The following DDAH1 variants were observed in gnomAD, a reference collection of about 807,000 sequenced individuals.
The protein encoded by DDAH1 is N(G),N(G)-dimethylarginine dimethylaminohydrolase 1.
In DDAH1, 19 loss-of-function variants were observed where a neutral mutation model predicts 28.8. That is an observed-to-expected ratio of 0.66 (90% CI 0.46 to 0.97). The LOEUF (loss-of-function observed/expected upper bound fraction) is 0.97, where lower values mean the gene tolerates loss of function less well. Among genes scored for constraint, DDAH1 ranks in the 50% least tolerant of loss-of-function variants. DDAH1 has a pLI of 0.00. For synonymous variants in DDAH1, 153 were observed against 154.4 expected (o/e 0.99, Z 0.07); for missense variants, 326 against 375.9 (o/e 0.87, Z 1.10).
chr1:85,410,661 G>T (rs183170867), intron 1 of DDAH1, among the ~76,000 whole-genome samples: 1 of 147,726 alleles, frequency 6.8e-6, no homozygotes, highest in African/African-American at 2.5e-5. Context: ...AAATGGAAAT[G>T]AGGTTAACAT....
rs41301261 is a variant in DDAH1 at position 85,350,541 on chromosome 1, G to A, written c.478-7C>T. 0.039 allele frequency: 62,128 copies of A among 1,609,196 alleles called. 1,433 individuals carry two copies. Among genetic ancestry groups the A allele is most frequent in the Middle Eastern group, 0.047 (284 of 6,032 alleles). On this transcript the variant is annotated splice_region_variant and splice_polypyrimidine_tract_variant and intron_variant, in intron 3 of 5. Coordinates refer to ENST00000284031, the MANE Select transcript of DDAH1 (RefSeq NM_012137.4). ...CTGTGGAGACTGCATAGTCCTACGT[G>A]GACAATAGAAAAACAAGCAGTTTAG... is the stretch of plus-strand genomic sequence containing the variant.
chr1:85,445,146 TC>T (rs748265433), intron 1 of DDAH1, among the ~76,000 whole-genome samples: 20 of 152,116 alleles, frequency 1.3e-4, no homozygotes, highest in Non-Finnish European at 2.5e-4. Context: ...GAATCTGTCT[TC>T]CCCAGCCCAC....
intron 2 of DDAH1, among the ~76,000 whole-genome samples, chr1:85,492,587 T>C (rs1656444960): frequency 6.6e-6 from 1 of 152,190 alleles, no homozygotes; most frequent in Non-Finnish European, 1.5e-5. Flanking sequence ...GGAATTTCCT[T>C]TGTGATCCTG....
rs116452636 is a variant in DDAH1, at chr1:85,428,743, T to C, written c.303+36000A>G. On this transcript the variant is annotated intron_variant, in intron 1 of 5. Transcript: ENST00000284031. ...CAGCAGCATGCCTGTTTACTCCTGC[T>C]TGCTTGGAAGACAAAGAATGCTGTG... Among the ~76,000 whole-genome samples, 692 of 152,246 alleles carry C rather than the reference T, an allele frequency of 4.5e-3. 6 individuals carry two copies. The highest frequency in any genetic ancestry group is 0.015 in the African/African-American group (641 of 41,562).
chr1:85,404,322 T>G, intron 1 of DDAH1: 3 of 1,509,366 alleles, frequency 2.0e-6, no homozygotes, highest in Non-Finnish European at 2.7e-6. Flanking sequence ...AGGATTGCAG[T>G]TGACAAAGCC....
Position 85,464,817 on chromosome 1 carries a change from C to T in DDAH1, c.229G>A (p.Val77Met). The T allele has an allele frequency of 6.3e-7, 1 of 1,588,756 alleles. No homozygotes were observed. The highest frequency in any genetic ancestry group is 8.5e-7 in the Non-Finnish European group (1 of 1,174,666). ...ADESLPDCVF[V>M]EDVAVVCEET... Reference sequence around the variant, plus strand: ...TCGCACACCACGGCCACGTCCTCCACGAAGACGCAGTCCGGAAGGCTCTCG... The same window carrying T: ...TCGCACACCACGGCCACGTCCTCCATGAAGACGCAGTCCGGAAGGCTCTCG... Residue 77 changes from valine to methionine, a missense_variant, in exon 1 of 6, where the codon GTG (valine) becomes ATG (methionine). Physicochemically the swap from Val to Met is conservative, Grantham distance 21 (BLOSUM62 1). Coordinates refer to ENST00000284031, the MANE Select transcript of DDAH1 (RefSeq NM_012137.4). This position sits in a 1 kb window ranked among gnomAD's most constrained non-coding sequence, Gnocchi z 4.4.
chr1:85,441,935 A>G (rs1325188866), intron 1 of DDAH1, among the ~76,000 whole-genome samples: 1 of 152,044 alleles, frequency 6.6e-6, no homozygotes, highest in African/African-American at 2.4e-5. Context: ...ATATTTTTTC[A>G]TTTCATCGCC....
chr1:85,325,781 C>G (rs923402594), intron 4 of DDAH1, among the ~76,000 whole-genome samples: 1 of 152,144 alleles, frequency 6.6e-6, no homozygotes, highest in Non-Finnish European at 1.5e-5. Flanking sequence ...AAACAACACT[C>G]CTCCCCCTAA....
At chr1:85,555,541 G>T (rs1471360145) in intron 1 of DDAH1, among the ~76,000 whole-genome samples, 1 of 152,146 alleles carries the variant, frequency 6.6e-6, no homozygotes. Context: ...CCTCATTATT[G>T]TCAAAGCTAT....
chr1:85,523,472 T>A (rs1657760439), intron 1 of DDAH1, among the ~76,000 whole-genome samples: 1 of 152,200 alleles, frequency 6.6e-6, no homozygotes, highest in Admixed American at 6.5e-5. Flanking sequence ...AATTCTGGTA[T>A]TTGCTTATTT....
intron 1 of DDAH1, among the ~76,000 whole-genome samples, chr1:85,414,857 T>G (rs76032550): frequency 0.046 from 6,999 of 151,972 alleles, 266 homozygotes; most frequent in South Asian, 0.18. Flanking sequence ...CATAAACATA[T>G]GAAAAGATAC....
Position 85,464,646 on chromosome 1 carries a change from C to T in DDAH1, c.303+97G>A. 2.0e-6 allele frequency: 3 copies of T among 1,483,034 alleles called. No homozygotes were observed. The highest frequency in any genetic ancestry group is 2.7e-6 in the Non-Finnish European group (3 of 1,118,786). The allele number at this position is 1,483,034 out of a possible 1,614,324, so 91.9% of individuals were successfully genotyped here. On this transcript the variant is annotated intron_variant, in intron 1 of 5. Coordinates refer to ENST00000284031, the MANE Select transcript of DDAH1 (RefSeq NM_012137.4). This position sits in a 1 kb window ranked among gnomAD's most constrained non-coding sequence, Gnocchi z 4.4. ...GACGGGAAGTTGTGAACTACTAGCC[C>T]GAGGGCCAATGGCGCGACTCCCCAG...
intron 1 of DDAH1, among the ~76,000 whole-genome samples, chr1:85,385,651 G>A (rs1347808260): frequency 1.3e-5 from 2 of 152,168 alleles, no homozygotes; most frequent in Non-Finnish European, 2.9e-5. Flanking sequence ...TGGAACAAAT[G>A]AGGCCTCATT....
At chr1:85,322,706 AATAAG>A (rs972908280) in intron 5 of DDAH1, among the ~76,000 whole-genome samples, 3 of 152,362 alleles carry the variant, frequency 2.0e-5, no homozygotes, top group South Asian at 2.1e-4. Context: ...ACAAGGACTG[AATAAG>A]ATAATACACC....
intron 2 of DDAH1, among the ~76,000 whole-genome samples, chr1:85,351,974 T>C (rs940148140): frequency 1.3e-5 from 2 of 152,216 alleles, no homozygotes; most frequent in Admixed American, 6.5e-5. Flanking sequence ...ATGTTATGTA[T>C]ATTTTACTAC....
chr1:85,533,525 A>G (rs1658162970), intron 1 of DDAH1, among the ~76,000 whole-genome samples: 1 of 152,206 alleles, frequency 6.6e-6, no homozygotes. Context: ...ATACAAGTAC[A>G]GATGGATTTT....
chr1:85,488,483 T>A (rs1390869819), intron 2 of DDAH1: 1 of 152,142 alleles, frequency 6.6e-6, no homozygotes, highest in African/African-American at 2.4e-5. Flanking sequence ...CATAACCTCA[T>A]CTAACCCCAG....
intron 1 of DDAH1, among the ~76,000 whole-genome samples, chr1:85,368,991 C>A (rs1650224999): frequency 6.6e-6 from 1 of 151,988 alleles, no homozygotes; most frequent in Non-Finnish European, 1.5e-5. Flanking sequence ...TGCTCCCAGC[C>A]CAAATGTAGG....
At chr1:85,475,553 T>A (rs1655768534) in intron 2 of DDAH1, among the ~76,000 whole-genome samples, 1 of 152,228 alleles carries the variant, frequency 6.6e-6, no homozygotes, top group Non-Finnish European at 1.5e-5. Context: ...ACCTACATTT[T>A]AAATAATTCA....
Sources: gnomAD v4.1 joint callset for allele counts (sites outside exome capture counted in the v4.1 genomes callset) on GRCh38, gnomAD v4.1.1 for gene constraint, Gnocchi (gnomAD v3.1) non-coding constraint, MANE v1.5 for transcripts, NCBI Gene and HGNC (gene_info 2026-07-23, HGNC 2026-07-21) for gene names.